NRDE2: variants seen among roughly 807,000 people sequenced by gnomAD.
The protein encoded by NRDE2 is nuclear exosome regulator NRDE2.
In NRDE2, 76 loss-of-function variants were observed where a neutral mutation model predicts 124.2. That is an observed-to-expected ratio of 0.61 (90% CI 0.51 to 0.74). The LOEUF (loss-of-function observed/expected upper bound fraction) is 0.74. Among genes scored for constraint, NRDE2 ranks in the 30% least tolerant of loss-of-function variants. The pLI is 0.00. For missense variants in NRDE2, 1,314 were observed against 1,417.3 expected, an observed-to-expected ratio of 0.93 and a Z score of 1.17; for synonymous variants, 489 against 528.1, an observed-to-expected ratio of 0.93 and a Z score of 1.01.
chr14:90,329,510 G>A (rs546811739), intron 1 of NRDE2, among the ~76,000 whole-genome samples: 3 of 151,992 alleles, frequency 2.0e-5, no homozygotes, highest in South Asian at 2.1e-4. Flanking sequence ...GATCAGCCTG[G>A]GCAACATAGC....
chr14:90,316,313 T>C (rs1281647856), intron 3 of NRDE2, among the ~76,000 whole-genome samples: 1 of 152,170 alleles, frequency 6.6e-6, no homozygotes, highest in Non-Finnish European at 1.5e-5. Context: ...ACAGACCCAC[T>C]GTGGCACATC....
chr14:90,300,790 T>G (rs540915072), intron 7 of NRDE2, among the ~76,000 whole-genome samples: 118 of 44,076 alleles, frequency 2.7e-3, no homozygotes, highest in Non-Finnish European at 4.9e-3. Flanking sequence ...ATACAAGGTT[T>G]AAAATGGCAT....
intron 6 of NRDE2, chr14:90,301,785 A>G: frequency 2.2e-6 from 1 of 456,286 alleles, no homozygotes; most frequent in South Asian, 1.5e-5. Flanking sequence ...AGCAACTTTC[A>G]TCCTATGTTC....
intron 4 of NRDE2, among the ~76,000 whole-genome samples, chr14:90,310,216 C>T (rs1303057150): frequency 6.6e-6 from 1 of 152,106 alleles, no homozygotes; most frequent in Admixed American, 6.6e-5. Flanking sequence ...CCTCTGTTTC[C>T]AAATCTAGAA....
intron 10 of NRDE2, among the ~76,000 whole-genome samples, chr14:90,289,840 G>A (rs563098063): frequency 2.6e-5 from 4 of 152,274 alleles, no homozygotes; most frequent in African/African-American, 4.8e-5. Flanking sequence ...CGCCCGCCTC[G>A]GCCTCCCAAA....
chr14:90,326,102 G>A (rs1368820438), intron 1 of NRDE2, among the ~76,000 whole-genome samples: 1 of 152,176 alleles, frequency 6.6e-6, no homozygotes, highest in African/African-American at 2.4e-5. Context: ...GCCACACGAT[G>A]GAGTTCTGTG....
intron 1 of NRDE2, among the ~76,000 whole-genome samples, chr14:90,319,254 A>G (rs758577283): frequency 2.6e-5 from 4 of 152,184 alleles, no homozygotes; most frequent in Non-Finnish European, 5.9e-5. Flanking sequence ...TTCATATCCT[A>G]AAGAGGAAGA....
At chr14:90,322,704 T>C (rs928081614) in intron 1 of NRDE2, among the ~76,000 whole-genome samples, 2 of 152,220 alleles carry the variant, frequency 1.3e-5, no homozygotes, top group Admixed American at 1.3e-4. Flanking sequence ...AAGGTTCTGC[T>C]CACATGGAGT....
At chr14:90,299,313 G>A (rs1884300869) in intron 7 of NRDE2, among the ~76,000 whole-genome samples, 2 of 152,110 alleles carry the variant, frequency 1.3e-5, no homozygotes, top group South Asian at 4.1e-4. Flanking sequence ...CTCCCAAAGT[G>A]CTGGGATTAC....
intron 1 of NRDE2, among the ~76,000 whole-genome samples, chr14:90,330,937 CT>C (rs200649143): frequency 8.2e-5 from 12 of 146,904 alleles, no homozygotes; most frequent in South Asian, 2.2e-4. Context: ...ACTTTTTTTT[CT>C]TTTTTTTTTA....
Position 90,269,810 on chromosome 14 carries a change from G to A in NRDE2, c.*8526C>T, listed in dbSNP as rs1181957378. The A allele has an allele frequency of 4.9e-6, 2 of 412,342 alleles. No individual in the cohort carries two copies. Among genetic ancestry groups the A allele is most frequent in the African/African-American group, 4.1e-5 (2 of 49,062 alleles). The allele number at this position is 412,342 out of a possible 1,614,324, so 25.5% of individuals were successfully genotyped here. A position where few individuals can be genotyped will look rare whatever the true frequency, so the allele number is the denominator to read the frequency against. ...ATTCCCTTTTTAGCCTCAAGAACTT[G>A]CTGCTTTTTCTGGAAGAAATAATTC... On this transcript the variant is annotated 3_prime_UTR_variant, in exon 14 of 14. Transcript: ENST00000354366.
chr14:90,324,624 G>A (rs1207951080), intron 1 of NRDE2, among the ~76,000 whole-genome samples: 2 of 150,488 alleles, frequency 1.3e-5, no homozygotes, highest in African/African-American at 2.5e-5. Flanking sequence ...TGCAGTGAGT[G>A]GAGACGCCAC....
At chr14:90,282,425 G>A (rs923759929) in intron 12 of NRDE2, among the ~76,000 whole-genome samples, 2 of 151,470 alleles carry the variant, frequency 1.3e-5, no homozygotes, top group Non-Finnish European at 2.9e-5. Context: ...GCAGTGAGTC[G>A]TGATAGTGCC....
chr14:90,318,210 A>G (rs1350548968), intron 1 of NRDE2, 97 bp from the exon 2 acceptor site: 3 of 851,760 alleles, frequency 3.5e-6, no homozygotes, highest in East Asian at 5.0e-5. Flanking sequence ...CCTAATTCAC[A>G]GCCAATGCCA....
In NRDE2 at chr14:90,278,430, G is replaced by A; in HGVS notation, c.3401C>T (p.Pro1134Leu). ...GTCCAGGATCTCCTGCATCTCATCG[G>A]GGAAATACTCCACGGCGTCCAGGTA... ...VLYLDAVEYF[P>L]DEMQEILDLM... The change falls in exon 14 of 14, where the codon CCC (proline) becomes CTC (leucine). Residue 1134 changes from proline to leucine, a missense_variant. Physicochemically the swap from Pro to Leu is moderately conservative, Grantham distance 98. Transcript: ENST00000354366. 1 of 1,614,072 alleles carries A rather than the reference G, an allele frequency of 6.2e-7. No homozygotes were observed. The highest frequency in any genetic ancestry group is 8.5e-7 in the Non-Finnish European group (1 of 1,179,974).
At chr14:90,295,796 G>A (rs533938617) in intron 8 of NRDE2, among the ~76,000 whole-genome samples, 2 of 152,158 alleles carry the variant, frequency 1.3e-5, no homozygotes, top group East Asian at 1.9e-4. Context: ...AAAATTTTCA[G>A]CCTTTCTTTT....
At position 90,286,405 on chromosome 14, in the gene NRDE2, G is replaced by A. The variant is rs777995436; in HGVS notation, c.3246C>T (p.Ser1082=). 1.5e-5 allele frequency: 25 copies of A among 1,614,078 alleles called. No individual in the cohort carries two copies. In the South Asian group the frequency reaches 1.6e-4, roughly 11 times the overall value. ...GCAAGGGGCACTGGCTGCCACTGTC[G>A]CTGCGCATGGCATTTTCAAACAGGG... is the stretch of plus-strand genomic sequence containing the variant. ...IQALFENAMR[S]DSGSQCPLLW... is the part of the protein sequence containing the mutation. Residue 1082 remains serine (S), a synonymous_variant, in exon 12 of 14, where the codon AGC becomes AGT. Transcript: ENST00000354366.
chr14:90,287,563 G>C (rs1229144027), intron 11 of NRDE2, among the ~76,000 whole-genome samples: 1 of 152,156 alleles, frequency 6.6e-6, no homozygotes, highest in African/African-American at 2.4e-5. Flanking sequence ...CAAGGCTGCA[G>C]TGAGCTGAGA....
chr14:90,296,514 TTCTTAGTGG>T (rs1344934963), intron 8 of NRDE2, among the ~76,000 whole-genome samples: 1 of 152,174 alleles, frequency 6.6e-6, no homozygotes, highest in Non-Finnish European at 1.5e-5. Flanking sequence ...CCCCTCTCGC[TTCTTAGTGG>T]TAATAGAGAT....
Sources: gnomAD v4.1 joint callset for allele counts (sites outside exome capture counted in the v4.1 genomes callset) on GRCh38, gnomAD v4.1.1 for gene constraint, MANE v1.5 for transcripts, NCBI Gene and HGNC (gene_info 2026-07-23, HGNC 2026-07-21) for gene names.